The following MGAT4A variants were observed in gnomAD, a reference collection of about 807,000 sequenced individuals.
MGAT4A encodes N-acetylglucosaminyltransferase IVa.
Under a neutral mutation model 74.1 loss-of-function variants are expected in MGAT4A, and 33 were observed. The ratio of observed to expected loss-of-function variants is 0.45; its 90% CI spans 0.34 to 0.60. The LOEUF (loss-of-function observed/expected upper bound fraction) is 0.60. MGAT4A is among the 20% of genes least tolerant of loss of function. The pLI is 0.02. For synonymous variants in MGAT4A, 198 were observed against 210.4 expected (o/e 0.94, Z 0.51); for missense variants, 479 against 628.3 (o/e 0.76, Z 2.54).
At chr2:98,685,415 T>C (rs1427900733) in intron 2 of MGAT4A, among the ~76,000 whole-genome samples, 2 of 152,186 alleles carry the variant, frequency 1.3e-5, no homozygotes, top group Non-Finnish European at 1.5e-5. Context: ...AAATGTTTTA[T>C]TTCACTTTTT....
intron 2 of MGAT4A, among the ~76,000 whole-genome samples, chr2:98,724,215 A>C (rs1366380025): frequency 6.6e-6 from 1 of 152,232 alleles, no homozygotes; most frequent in Non-Finnish European, 1.5e-5. Context: ...AAAACAACAA[A>C]AAAAAACCAT....
At chr2:98,666,291 C>A (rs1701829452) in intron 4 of MGAT4A, among the ~76,000 whole-genome samples, 1 of 151,998 alleles carries the variant, frequency 6.6e-6, no homozygotes, top group Non-Finnish European at 1.5e-5. Flanking sequence ...GAACAACACA[C>A]TTGAGGAGAG....
At chr2:98,709,477 A>G (rs1297393132) in intron 2 of MGAT4A, among the ~76,000 whole-genome samples, 1 of 152,118 alleles carries the variant, frequency 6.6e-6, no homozygotes, top group Non-Finnish European at 1.5e-5. Context: ...ATAAATGCAT[A>G]TTATGAGGCG....
chr2:98,672,062 C>G (rs1701918713), intron 4 of MGAT4A, among the ~76,000 whole-genome samples: 1 of 146,154 alleles, frequency 6.8e-6, no homozygotes, highest in South Asian at 2.3e-4. Flanking sequence ...GATGAGAAAT[C>G]TGTGTTGTGG....
chr2:98,675,146 T>G lies in MGAT4A; in HGVS notation c.292A>C (p.Thr98Pro). Residue 98 changes from threonine (T) to proline (P), a missense_variant, in exon 4 of 16, where the codon ACA (threonine) becomes CCA (proline). Transcript: ENST00000393487. ...GGCACTTGAAGAGATTTTTTGCTTG[T>G]TAACTCCTTTAACAGCTTTAGGGTA... Reference protein sequence around the residue: ...DNTLKLLKELTSKKSLQVPSI... With the variant: ...DNTLKLLKELPSKKSLQVPSI... 1.9e-6 allele frequency: 3 copies of G among 1,604,890 alleles called. No individual in the cohort carries two copies. Among genetic ancestry groups the G allele is most frequent in the Non-Finnish European group, 2.6e-6 (3 of 1,172,958 alleles).
intron 3 of MGAT4A, among the ~76,000 whole-genome samples, chr2:98,676,822 C>T (rs779468699): frequency 1.3e-5 from 2 of 152,016 alleles, no homozygotes; most frequent in Admixed American, 6.6e-5. Flanking sequence ...AAAACATTCA[C>T]GGAAAAAATA....
rs1444719452 is a variant in MGAT4A, at chr2:98,625,116, A to C, written c.*450T>G. On this transcript the variant is annotated 3_prime_UTR_variant, in exon 16 of 16. Coordinates refer to ENST00000393487, the MANE Select transcript of MGAT4A (RefSeq NM_012214.3). ...ATGTACTTCTTAAGTGTTTCTAATA[A>C]ATTAATTCCATAACATTTTTATGTA... 9.1e-6 allele frequency: 8 copies of C among 881,092 alleles called. No homozygotes were observed. The African/African-American group carries it at 1.5e-4, about 16-fold the overall frequency. 54.6% of individuals were successfully genotyped at this position (881,092 alleles called of 1,614,324 possible). A position where few individuals can be genotyped will look rare whatever the true frequency, so the allele number is the denominator to read the frequency against.
In MGAT4A at chr2:98,634,944, C is replaced by G. The variant is rs3731656; in HGVS notation, c.1468+278G>C. Among the ~76,000 whole-genome samples the G allele has an allele frequency of 1.5e-4, 23 of 151,974 alleles. No homozygotes were observed. In the East Asian group the frequency reaches 4.4e-3, roughly 29 times the overall value. On this transcript the variant is annotated intron_variant, in intron 14 of 15. Coordinates refer to ENST00000393487, the MANE Select transcript of MGAT4A (RefSeq NM_012214.3). ...AGCTGAGGCTGGAGAGGAGCTAAACCCATCCAGTAGGAGGCAGTGCAGGCA... is the reference window on the plus strand; with the variant it reads ...AGCTGAGGCTGGAGAGGAGCTAAACGCATCCAGTAGGAGGCAGTGCAGGCA...
chr2:98,665,824 T>C (rs1459730024), intron 4 of MGAT4A, among the ~76,000 whole-genome samples: 4 of 152,214 alleles, frequency 2.6e-5, no homozygotes, highest in African/African-American at 7.2e-5. Flanking sequence ...AAAGAGCTGA[T>C]GAAGAATACT....
intron 8 of MGAT4A, among the ~76,000 whole-genome samples, chr2:98,647,413 C>G (rs1575249042): frequency 6.6e-6 from 1 of 152,298 alleles, no homozygotes; most frequent in East Asian, 1.9e-4. Context: ...CTCTTGGGTT[C>G]AAGTGATTCT....
intron 2 of MGAT4A, among the ~76,000 whole-genome samples, chr2:98,680,022 A>C (rs1175890171): frequency 6.6e-6 from 1 of 151,676 alleles, no homozygotes; most frequent in African/African-American, 2.4e-5. Flanking sequence ...TTTGACACCT[A>C]AACAAACCTT....
chr2:98,704,774 A>T (rs56363239), intron 2 of MGAT4A, among the ~76,000 whole-genome samples: 40,414 of 147,500 alleles, frequency 0.27, 6,229 homozygotes, highest in Non-Finnish European at 0.36. Context: ...TGCCTCAATT[A>T]AAAAAAAAAA....
At chr2:98,637,888 T>C (rs997353150) in intron 12 of MGAT4A, among the ~76,000 whole-genome samples, 10 of 152,190 alleles carry the variant, frequency 6.6e-5, no homozygotes, top group Non-Finnish European at 1.5e-4. Context: ...ATGGTTACGA[T>C]ACAGTTACAG....
At chr2:98,698,090 G>T (rs918845096) in intron 2 of MGAT4A, among the ~76,000 whole-genome samples, 1 of 152,174 alleles carries the variant, frequency 6.6e-6, no homozygotes, top group African/African-American at 2.4e-5. Context: ...TGCATTTGAT[G>T]ATTCAAGTGC....
At chr2:98,666,967 G>T (rs931255531) in intron 4 of MGAT4A, among the ~76,000 whole-genome samples, 2 of 152,176 alleles carry the variant, frequency 1.3e-5, no homozygotes, top group African/African-American at 4.8e-5. Flanking sequence ...ATTCCTACGT[G>T]TGGTGGGAGG....
Position 98,636,505 on chromosome 2 carries a change from T to C in MGAT4A, c.1401+12A>G. On this transcript the variant is annotated intron_variant, in intron 13 of 15. Coordinates refer to ENST00000393487, the MANE Select transcript of MGAT4A (RefSeq NM_012214.3). The stretch of plus-strand genomic sequence containing the variant: ...GTTGTTAGGGAAAGGTAAGAGGAAA[T>C]AGCAGTCATACCTTAAAAGGCAAAA... 1.9e-6 allele frequency: 3 copies of C among 1,592,836 alleles called. No homozygotes were observed. The highest frequency in any genetic ancestry group is 1.7e-4 in the Middle Eastern group (1 of 6,028).
chr2:98,653,861 A>C (rs1345118089), intron 8 of MGAT4A, among the ~76,000 whole-genome samples: 1 of 152,202 alleles, frequency 6.6e-6, no homozygotes, highest in Non-Finnish European at 1.5e-5. Flanking sequence ...AGCCAGACAA[A>C]GACACAAGAA....
At chr2:98,658,421 A>G (rs1701692451) in intron 5 of MGAT4A, among the ~76,000 whole-genome samples, 157 bp from the exon 6 acceptor site, 1 of 152,218 alleles carries the variant, frequency 6.6e-6, no homozygotes, top group Non-Finnish European at 1.5e-5. Context: ...GTATTGTTCT[A>G]TTGTACTACT....
rs1312653572 is a variant in MGAT4A, at chr2:98,623,442, G to A, written c.*2124C>T. 1 of 985,296 alleles carries A rather than the reference G, an allele frequency of 1.0e-6. No homozygotes were observed. Among genetic ancestry groups the A allele is most frequent in the East Asian group, 1.1e-4 (1 of 8,826 alleles). The allele number at this position is 985,296 out of a possible 1,614,324, so 61.0% of individuals were successfully genotyped here. On this transcript the variant is annotated 3_prime_UTR_variant, in exon 16 of 16. Transcript: ENST00000393487. Reference sequence around the variant, plus strand: ...GAGTACTCCTAAGCCCACCTGCAGAGATTTTTACTTCTGGTACTCAGTTAT... The same window carrying A: ...GAGTACTCCTAAGCCCACCTGCAGAAATTTTTACTTCTGGTACTCAGTTAT...
Sources: allele counts gnomAD v4.1 joint callset (sites outside exome capture counted in the v4.1 genomes callset), GRCh38; gene constraint gnomAD v4.1.1; transcripts MANE v1.5; gene names NCBI Gene and HGNC (gene_info 2026-07-23, HGNC 2026-07-21).